The following PDE11A variants were observed in gnomAD, a reference collection of about 807,000 sequenced individuals.
The protein encoded by PDE11A is dual 3',5'-cyclic-AMP and -GMP phosphodiesterase 11A.
Under a neutral mutation model 100.5 loss-of-function variants are expected in PDE11A, and 100 were observed. That is an observed-to-expected ratio of 1.00 (90% CI 0.85 to 1.18). The LOEUF (loss-of-function observed/expected upper bound fraction) is 1.18. Ranked by LOEUF, PDE11A falls within the 50% of genes most tolerant of loss-of-function variation. The pLI, the probability that PDE11A is intolerant of heterozygous loss-of-function variation, is 0.00. For synonymous variants in PDE11A, 381 were observed against 420.8 expected (o/e 0.91, Z 1.16); for missense variants, 1,141 against 1,152.6 (o/e 0.99, Z 0.15).
intron 6 of PDE11A, among the ~76,000 whole-genome samples, chr2:177,829,861 C>T (rs766647841): frequency 1.3e-5 from 2 of 152,074 alleles, no homozygotes; most frequent in South Asian, 4.1e-4. Flanking sequence ...GTGGACAGGG[C>T]CTGTGAATAT....
At chr2:177,834,228 G>T (rs2083354728) in intron 6 of PDE11A, among the ~76,000 whole-genome samples, 1 of 152,182 alleles carries the variant, frequency 6.6e-6, no homozygotes, top group Admixed American at 6.5e-5. Flanking sequence ...CATTTTGGTG[G>T]CCTCTACGGG....
At chr2:177,835,990 C>T (rs903448904) in intron 6 of PDE11A, among the ~76,000 whole-genome samples, 4 of 152,198 alleles carry the variant, frequency 2.6e-5, no homozygotes, top group South Asian at 2.1e-4. Context: ...CGAGCCTCCC[C>T]GACGAGCGCT....
chr2:177,851,893 C>G (rs2083717371), intron 5 of PDE11A, among the ~76,000 whole-genome samples: 1 of 152,078 alleles, frequency 6.6e-6, no homozygotes, highest in African/African-American at 2.4e-5. Flanking sequence ...ATTCCTCTCC[C>G]TCTTCCCACC....
At chr2:178,084,367 T>A (rs2087322834) in intron 2 of PDE11A, among the ~76,000 whole-genome samples, 1 of 152,256 alleles carries the variant, frequency 6.6e-6, no homozygotes, top group African/African-American at 2.4e-5. Context: ...AGCTATCAAA[T>A]AATCTCAGTT....
chr2:178,036,546 A>C (rs930635361), intron 1 of PDE11A, among the ~76,000 whole-genome samples: 8 of 152,208 alleles, frequency 5.3e-5, no homozygotes, highest in African/African-American at 1.9e-4. Context: ...TGGAACCAAA[A>C]AAGAACCTGT....
chr2:177,710,713 G>A (rs1017235440), intron 13 of PDE11A, among the ~76,000 whole-genome samples: 4 of 152,164 alleles, frequency 2.6e-5, no homozygotes, highest in Non-Finnish European at 4.4e-5. Context: ...ATTGGACAGA[G>A]GGCACAAAAT....
intron 10 of PDE11A, among the ~76,000 whole-genome samples, chr2:177,762,184 G>A (rs943438620): frequency 2.6e-5 from 4 of 152,132 alleles, no homozygotes; most frequent in African/African-American, 9.7e-5. Context: ...CATGATGACT[G>A]TACAATGATA....
chr2:177,916,986 C>T lies in PDE11A; in HGVS notation c.1072-11799G>A, dbSNP rs146747245. ...AGAGATGGGGTTTCACCGTATTAGC[C>T]AGGATGGTCTTGATCTCCTGACTTC... On this transcript the variant is annotated intron_variant, in intron 2 of 19. Transcript: ENST00000286063. 7.7e-3 allele frequency among the ~76,000 whole-genome samples: 1,052 copies of T among 136,754 alleles called. 15 individuals carry two copies. Among genetic ancestry groups the T allele is most frequent in the African/African-American group, 0.029 (973 of 34,046 alleles). The allele number at this position is 136,754 out of a possible 152,430, so 89.7% of individuals were successfully genotyped here.
At position 177,936,631 on chromosome 2, in the gene PDE11A, A is replaced by T. The variant is rs1464227235; in HGVS notation, c.1072-31444T>A. ...ATTTATTTCAGGACTTTAAAAATTA[A>T]GGAATATGGCCAGGTGCAGTGGCTC... On this transcript the variant is annotated intron_variant, in intron 2 of 19. Coordinates refer to ENST00000286063, the MANE Select transcript of PDE11A (RefSeq NM_016953.4). Among the ~76,000 whole-genome samples, 3 of 152,204 alleles carry T rather than the reference A, an allele frequency of 2.0e-5. No homozygotes were observed. In the East Asian group the frequency reaches 5.8e-4, roughly 29 times the overall value.
chr2:178,096,169 C>CTTTTCTTTTTTTTTTTTTTTTTTTTT (rs763493838), intron 2 of PDE11A, among the ~76,000 whole-genome samples: 2 of 120,110 alleles, frequency 1.7e-5, no homozygotes, highest in Non-Finnish European at 3.5e-5. Context: ...CTTTTCTTTT[C>CTTTTCTTTTTTTTTTTTTTTTTTTTT]TTTTTTTTTT....
chr2:178,104,504 CA>C, intron 1 of PDE11A: 13 of 1,577,532 alleles, frequency 8.2e-6, no homozygotes, highest in Non-Finnish European at 1.0e-5. Flanking sequence ...AACCACAAAC[CA>C]AAAAAATATA....
intron 2 of PDE11A, among the ~76,000 whole-genome samples, chr2:178,083,150 A>ATT (rs2087308115): frequency 6.8e-6 from 1 of 146,638 alleles, no homozygotes; most frequent in African/African-American, 2.5e-5. Context: ...CCTAGGCTGG[A>ATT]GTGCAGTGGC....
chr2:177,791,192 A>G (rs375458718), intron 9 of PDE11A, among the ~76,000 whole-genome samples: 1 of 152,048 alleles, frequency 6.6e-6, no homozygotes, highest in South Asian at 2.1e-4. Flanking sequence ...ATACACCATG[A>G]AATACTATGC....
At chr2:177,946,048 A>G (rs1362235603) in intron 2 of PDE11A, among the ~76,000 whole-genome samples, 1 of 105,098 alleles carries the variant, frequency 9.5e-6, no homozygotes. Flanking sequence ...TCCGGGAGGG[A>G]GGTGGGGGGG....
chr2:177,800,453 G>A (rs769537117), intron 9 of PDE11A, among the ~76,000 whole-genome samples: 1 of 152,100 alleles, frequency 6.6e-6, no homozygotes, highest in Non-Finnish European at 1.5e-5. Context: ...TTACAGGTGT[G>A]AGCCACCGTG....
intron 3 of PDE11A, among the ~76,000 whole-genome samples, chr2:177,903,821 G>T (rs536840655): frequency 7.9e-5 from 12 of 152,218 alleles, no homozygotes; most frequent in Non-Finnish European, 1.2e-4. Flanking sequence ...ACGGCTAAAG[G>T]TATGATCAAA....
At chr2:177,885,222 G>GTATA (rs1553486011) in intron 4 of PDE11A, among the ~76,000 whole-genome samples, 1 of 151,684 alleles carries the variant, frequency 6.6e-6, no homozygotes, top group Non-Finnish European at 1.5e-5. Flanking sequence ...GTGTGTGTGT[G>GTATA]TATATATAGT....
chr2:178,055,876 G>T (rs904374400), intron 1 of PDE11A, among the ~76,000 whole-genome samples: 7 of 152,008 alleles, frequency 4.6e-5, no homozygotes, highest in South Asian at 4.2e-4. Context: ...TAATAAATGG[G>T]CTCTTTTTTC....
intron 2 of PDE11A, among the ~76,000 whole-genome samples, chr2:177,927,625 T>C (rs546158292): frequency 6.6e-6 from 1 of 152,198 alleles, no homozygotes; most frequent in Admixed American, 6.5e-5. Flanking sequence ...ATATATCAAA[T>C]CATTGGTAAA....
Sources: gnomAD v4.1 joint callset for allele counts (sites outside exome capture counted in the v4.1 genomes callset) on GRCh38, gnomAD v4.1.1 for gene constraint, MANE v1.5 for transcripts, NCBI Gene and HGNC (gene_info 2026-07-23, HGNC 2026-07-21) for gene names.